MAGI3: variants seen among roughly 807,000 people sequenced by gnomAD.
MAGI3 encodes membrane associated guanylate kinase, WW and PDZ domain containing 3, also known as membrane-associated guanylate kinase, WW and PDZ domain-containing protein 3.
MAGI3 carries 43 observed loss-of-function variants against 121.8 expected under a neutral mutation model. The ratio of observed to expected loss-of-function variants is 0.35; its 90% CI spans 0.28 to 0.46. MAGI3 has a LOEUF of 0.46. Among genes scored for constraint, MAGI3 ranks in the 20% least tolerant of loss-of-function variants. MAGI3 has a pLI of 1.00. For synonymous variants in MAGI3, 553 were observed against 639.3 expected (o/e 0.86, Z 2.04); for missense variants, 1,547 against 1,797.3 (o/e 0.86, Z 2.52).
chr1:113,673,422 G>A lies in MAGI3; in HGVS notation c.3146G>A (p.Arg1049His), dbSNP rs779228525. ...TACAACATGGGGCTGTTCATCCTTC[G>A]TCTTGCTGAAGATGGTCCTGCCATC... ...KEYNMGLFILRLAEDGPAIKD... is the reference protein window; with the variant it reads ...KEYNMGLFILHLAEDGPAIKD... Residue 1049 changes from arginine to histidine, a missense_variant, in exon 19 of 21, where the codon CGT becomes CAT. Arg to His is a conservative substitution (Grantham distance 29). Transcript: ENST00000307546. The A allele has an allele frequency of 1.2e-5, 19 of 1,613,014 alleles. No individual in the cohort carries two copies. The highest frequency in any genetic ancestry group is 2.2e-5 in the East Asian group (1 of 44,856).
chr1:113,644,467 G>A (rs1652725186), intron 11 of MAGI3, among the ~76,000 whole-genome samples: 1 of 152,046 alleles, frequency 6.6e-6, no homozygotes, highest in Admixed American at 6.6e-5. Flanking sequence ...ATTTTTAGTA[G>A]AGACAGGGTT....
intron 1 of MAGI3, among the ~76,000 whole-genome samples, chr1:113,545,795 T>C (rs1259130021): frequency 6.6e-6 from 1 of 152,224 alleles, no homozygotes; most frequent in Non-Finnish European, 1.5e-5. Context: ...CAAGGCGTAA[T>C]ATTAGCATTT....
intron 10 of MAGI3, among the ~76,000 whole-genome samples, chr1:113,643,506 G>GTA (rs1652665256): frequency 6.6e-6 from 1 of 152,090 alleles, no homozygotes. Flanking sequence ...TGGTTCTTTG[G>GTA]TATAGGAAAG....
chr1:113,515,538 A>T (rs1657855178), intron 1 of MAGI3, among the ~76,000 whole-genome samples: 1 of 152,160 alleles, frequency 6.6e-6, no homozygotes, highest in African/African-American at 2.4e-5. Flanking sequence ...TTACATGATT[A>T]TCTCATTTAA....
At chr1:113,489,603 CACGAGT>C (rs1656574672) in intron 1 of MAGI3, among the ~76,000 whole-genome samples, 1 of 151,982 alleles carries the variant, frequency 6.6e-6, no homozygotes, top group African/African-American at 2.4e-5. Context: ...CATTGAGATA[CACGAGT>C]ATGTTGAAAC....
intron 2 of MAGI3, among the ~76,000 whole-genome samples, chr1:113,551,644 A>T (rs1297676058): frequency 6.6e-6 from 1 of 152,116 alleles, no homozygotes; most frequent in Non-Finnish European, 1.5e-5. Context: ...TCTCTGTTTT[A>T]CAAATAGTTC....
chr1:113,619,142 G>T (rs1039589827), intron 7 of MAGI3, among the ~76,000 whole-genome samples: 2 of 152,094 alleles, frequency 1.3e-5, no homozygotes, highest in African/African-American at 4.8e-5. Flanking sequence ...AATGCCAGTT[G>T]AACCTATGTT....
chr1:113,644,276 TTTTA>T (rs1652711545), intron 11 of MAGI3, among the ~76,000 whole-genome samples: 2 of 151,996 alleles, frequency 1.3e-5, no homozygotes, highest in African/African-American at 4.8e-5. Context: ...ATTATTTATT[TTTTA>T]TTTATTTATT....
intron 9 of MAGI3, among the ~76,000 whole-genome samples, chr1:113,623,224 A>G (rs1384107299): frequency 3.3e-5 from 5 of 152,054 alleles, no homozygotes; most frequent in African/African-American, 1.2e-4. Context: ...ACAGGCATGC[A>G]ATAAGTAATA....
chr1:113,565,205 CTTTG>C (rs566177872), intron 2 of MAGI3, among the ~76,000 whole-genome samples: 107 of 152,120 alleles, frequency 7.0e-4, no homozygotes, highest in African/African-American at 2.5e-3. Flanking sequence ...TGGTCTTGAT[CTTTG>C]TTTGGTGATA....
Position 113,396,286 on chromosome 1 carries a change from G to GT in MAGI3, c.316+4939dup, listed in dbSNP as rs1259687165. Among the ~76,000 whole-genome samples, 3 of 47,540 alleles carry GT rather than the reference G, an allele frequency of 6.3e-5. No homozygotes were observed. In the Admixed American group the frequency reaches 7.2e-4, roughly 11 times the overall value. 31.2% of individuals were successfully genotyped at this position (47,540 alleles called of 152,430 possible). A position where few individuals can be genotyped will look rare whatever the true frequency, so the allele number is the denominator to read the frequency against. On this transcript the variant is annotated intron_variant, in intron 1 of 20. Coordinates refer to ENST00000307546, the MANE Select transcript of MAGI3 (RefSeq NM_001142782.2). ...AATTTCAAAATCTGTGAATGTCAGG[G>GT]TTGTGTGTGTGTGTGTGTGTGTGTG...
intron 1 of MAGI3, among the ~76,000 whole-genome samples, chr1:113,536,161 A>ATTTT (rs1278336055): frequency 6.7e-6 from 1 of 149,826 alleles, no homozygotes; most frequent in Non-Finnish European, 1.5e-5. Context: ...TTTTTTTTTA[A>ATTTT]AAAAATTTGA....
At chr1:113,650,894 A>T (rs1653123282) in intron 13 of MAGI3, 120 bp from the exon 14 acceptor site, 2 of 828,794 alleles carry the variant, frequency 2.4e-6, no homozygotes, top group Non-Finnish European at 3.8e-6. Flanking sequence ...CTAAAATATA[A>T]CTGTTTTCAT....
intron 9 of MAGI3, among the ~76,000 whole-genome samples, chr1:113,638,712 T>C (rs112606778): frequency 1.4e-4 from 21 of 149,416 alleles, no homozygotes; most frequent in South Asian, 4.3e-4. Flanking sequence ...GCAGTCTGCC[T>C]GTTCTCAGAT....
chr1:113,550,289 G>T (rs991457722), intron 2 of MAGI3, among the ~76,000 whole-genome samples: 1 of 151,124 alleles, frequency 6.6e-6, no homozygotes, highest in Admixed American at 6.6e-5. Context: ...CGTCGCAGGC[G>T]CCTGTAATCC....
chr1:113,398,360 A>G (rs1651227607), intron 1 of MAGI3, among the ~76,000 whole-genome samples: 1 of 152,218 alleles, frequency 6.6e-6, no homozygotes, highest in South Asian at 2.1e-4. Context: ...AATATCATGC[A>G]GTGGTAATTG....
At chr1:113,503,587 C>G (rs1657157061) in intron 1 of MAGI3, among the ~76,000 whole-genome samples, 1 of 151,916 alleles carries the variant, frequency 6.6e-6, no homozygotes, top group Non-Finnish European at 1.5e-5. Context: ...TTTTCTATAA[C>G]TGTAAGGTCA....
intron 1 of MAGI3, among the ~76,000 whole-genome samples, chr1:113,473,876 C>A (rs1372742543): frequency 1.3e-5 from 2 of 152,196 alleles, no homozygotes; most frequent in African/African-American, 4.8e-5. Context: ...AATTTACATT[C>A]CCACTTACAG....
At chr1:113,606,496 C>A (rs1449918191) in intron 6 of MAGI3, among the ~76,000 whole-genome samples, 2 of 151,962 alleles carry the variant, frequency 1.3e-5, no homozygotes, top group Non-Finnish European at 2.9e-5. Context: ...CAGTTTTCTG[C>A]CTTTTCTTGT....
Sources: gnomAD v4.1 joint callset for allele counts (sites outside exome capture counted in the v4.1 genomes callset) on GRCh38, gnomAD v4.1.1 for gene constraint, MANE v1.5 for transcripts, NCBI Gene and HGNC (gene_info 2026-07-23, HGNC 2026-07-21) for gene names.